The following GPC3 variants were observed in gnomAD, a reference collection of about 807,000 sequenced individuals.
The protein encoded by GPC3 is glypican-3.
GPC3 carries 3 observed loss-of-function variants against 34.4 expected under a neutral mutation model. The observed-to-expected ratio is 0.09, with a 90% CI of 0.04 to 0.23. GPC3 has a LOEUF of 0.23. Among genes scored for constraint, GPC3 ranks in the 10% least tolerant of loss-of-function variants. The pLI, the probability that GPC3 is intolerant of heterozygous loss-of-function variation, is 1.00. For synonymous variants in GPC3, 177 were observed against 174.0 expected (o/e 1.02, Z -0.13); for missense variants, 351 against 445.6 (o/e 0.79, Z 1.91).
chrX:133,975,605 A>G (rs2076511496), intron 1 of GPC3, among the ~76,000 whole-genome samples: 1 of 111,538 alleles, frequency 9.0e-6, no homozygotes, highest in Non-Finnish European at 1.9e-5. Context: ...AGCAGGCCAC[A>G]GTCATGCTGC....
chrX:133,780,924 T>C (rs981712829), intron 2 of GPC3, among the ~76,000 whole-genome samples: 1 of 111,811 alleles, frequency 8.9e-6, no homozygotes, highest in African/African-American at 3.3e-5. Context: ...ATCAGAGACC[T>C]TTCTCCATGA....
At chrX:133,667,791 G>T (rs934886995) in intron 5 of GPC3, among the ~76,000 whole-genome samples, 1 of 108,075 alleles carries the variant, frequency 9.3e-6, no homozygotes, top group Non-Finnish European at 1.9e-5. Flanking sequence ...TGGGAGGTGG[G>T]GGTTGCAGTG....
chrX:133,910,098 C>A (rs2076190657), intron 2 of GPC3, among the ~76,000 whole-genome samples: 1 of 110,793 alleles, frequency 9.0e-6, no homozygotes, highest in Non-Finnish European at 1.9e-5. Context: ...CTCCATCCTT[C>A]ATCTCTTCTC....
chrX:133,901,291 A>G (rs2076142695), intron 2 of GPC3, among the ~76,000 whole-genome samples: 1 of 106,306 alleles, frequency 9.4e-6, no homozygotes, highest in Admixed American at 9.9e-5. Flanking sequence ...TTAATATTAA[A>G]CTTTTTCTTT....
chrX:133,795,219 G>C (rs976595023), intron 2 of GPC3, among the ~76,000 whole-genome samples: 1 of 112,546 alleles, frequency 8.9e-6, no homozygotes, highest in African/African-American at 3.2e-5. Context: ...ATAATCGAAA[G>C]AAACAAGGAA....
chrX:133,665,030 T>A, intron 5 of GPC3, among the ~76,000 whole-genome samples: 1 of 111,899 alleles, frequency 8.9e-6, no homozygotes. Context: ...TATGGCTCAG[T>A]AGCAACTTCT....
chrX:133,556,769 T>TGG (rs1208165315), intron 7 of GPC3, among the ~76,000 whole-genome samples: 1 of 49,600 alleles, frequency 2.0e-5, no homozygotes, highest in Non-Finnish European at 3.4e-5. Flanking sequence ...TTAAAGTTTT[T>TGG]GGGGGGGTGG....
At chrX:133,653,529 A>G (rs2070622950) in intron 6 of GPC3, among the ~76,000 whole-genome samples, 1 of 111,479 alleles carries the variant, frequency 9.0e-6, no homozygotes, top group Non-Finnish European at 1.9e-5. Flanking sequence ...TGAGAACAGG[A>G]GCCTGAGTCA....
chrX:133,849,125 C>T (rs1388005409), intron 2 of GPC3, among the ~76,000 whole-genome samples: 4 of 77,109 alleles, frequency 5.2e-5, no homozygotes, highest in Non-Finnish European at 9.3e-5. Flanking sequence ...GACAGAGTCT[C>T]GCTCTGTCCC....
At chrX:133,571,372 T>C (rs946007572) in intron 7 of GPC3, among the ~76,000 whole-genome samples, 2 of 109,832 alleles carry the variant, frequency 1.8e-5, no homozygotes, top group Non-Finnish European at 3.8e-5. Flanking sequence ...GCCATTTTCT[T>C]TTTTTTTTGA....
intron 3 of GPC3, among the ~76,000 whole-genome samples, chrX:133,720,856 A>G (rs767202217): frequency 9.1e-6 from 1 of 110,013 alleles, no homozygotes; most frequent in East Asian, 2.9e-4. Flanking sequence ...CAAAGGCATA[A>G]GAATGATATA....
intron 6 of GPC3, among the ~76,000 whole-genome samples, chrX:133,640,541 G>A (rs889436797): frequency 3.6e-5 from 4 of 112,377 alleles, no homozygotes; most frequent in Non-Finnish European, 7.5e-5. Context: ...AGCCTCTGCC[G>A]AAGGCCCCCT....
chrX:133,789,135 C>T (rs1355272440), intron 2 of GPC3, among the ~76,000 whole-genome samples: 2 of 111,247 alleles, frequency 1.8e-5, no homozygotes, highest in Admixed American at 9.6e-5. Context: ...TCTCAAGAGA[C>T]GGTCATATGC....
intron 2 of GPC3, among the ~76,000 whole-genome samples, chrX:133,878,134 T>C (rs1015042417): frequency 1.8e-5 from 2 of 112,136 alleles, no homozygotes; most frequent in East Asian, 2.8e-4. Flanking sequence ...GTTAAGATCA[T>C]ACTATCTTTG....
At chrX:133,620,847 C>A (rs1245993327) in intron 6 of GPC3, among the ~76,000 whole-genome samples, 2 of 111,484 alleles carry the variant, frequency 1.8e-5, no homozygotes, top group Non-Finnish European at 3.8e-5. Flanking sequence ...TCTTTGAAAC[C>A]ATCTATGACC....
At chrX:133,684,598 CCTCTTGG>C (rs2070978045) in intron 5 of GPC3, among the ~76,000 whole-genome samples, 1 of 111,502 alleles carries the variant, frequency 9.0e-6, no homozygotes, top group Admixed American at 9.6e-5. Context: ...GTACCCTCTT[CCTCTTGG>C]CTCTGTATTT....
intron 2 of GPC3, among the ~76,000 whole-genome samples, chrX:133,901,641 A>T (rs745528187): frequency 1.8e-5 from 2 of 110,125 alleles, no homozygotes; most frequent in Non-Finnish European, 3.8e-5. Context: ...GGGTTTCACC[A>T]TGTTGGCCAG....
intron 2 of GPC3, among the ~76,000 whole-genome samples, chrX:133,941,905 AATG>A (rs1230410653): frequency 8.9e-6 from 1 of 112,383 alleles, no homozygotes; most frequent in African/African-American, 3.2e-5. Context: ...AATTTTTCCA[AATG>A]ATGAAAGAAT....
intron 7 of GPC3, among the ~76,000 whole-genome samples, chrX:133,581,801 T>A (rs979821059): frequency 6.2e-5 from 7 of 112,437 alleles, no homozygotes; most frequent in Non-Finnish European, 1.1e-4. Flanking sequence ...AGTCAGAACT[T>A]CACTCCATCA....
Sources: allele counts gnomAD v4.1 joint callset (sites outside exome capture counted in the v4.1 genomes callset), GRCh38; gene constraint gnomAD v4.1.1; transcripts MANE v1.5; gene names NCBI Gene and HGNC (gene_info 2026-07-23, HGNC 2026-07-21).